The following CDKN2B-AS1 variants were observed in gnomAD, a reference collection of about 807,000 sequenced individuals.
The protein encoded by CDKN2B-AS1 is CDKN2B and CDKN2A antisense cis and trans regulatory RNA 1, also known as CDKN2B antisense RNA 1 (non-protein coding).
intron 3 of CDKN2B-AS1, among the ~76,000 whole-genome samples, chr9:22,051,826 C>T (rs1823358299): frequency 6.6e-6 from 1 of 152,088 alleles, no homozygotes; most frequent in Non-Finnish European, 1.5e-5. Flanking sequence ...TGTTTTCAGC[C>T]TGCATATACC....
chr9:22,020,935 A>G (rs1382088479), intron 1 of CDKN2B-AS1, among the ~76,000 whole-genome samples: 1 of 152,128 alleles, frequency 6.6e-6, no homozygotes, highest in Non-Finnish European at 1.5e-5. Flanking sequence ...TGTCTTCCTC[A>G]TGAAATCTTT....
chr9:22,063,848 G>A (rs1250104204), intron 4 of CDKN2B-AS1: 1 of 152,398 alleles, frequency 6.6e-6, no homozygotes, highest in Non-Finnish European at 1.5e-5. Flanking sequence ...CAGGCAGCTG[G>A]GGAAGAGAGT....
intron 1 of CDKN2B-AS1, among the ~76,000 whole-genome samples, chr9:22,045,420 C>G (rs1377835039): frequency 6.6e-6 from 1 of 152,080 alleles, no homozygotes; most frequent in Non-Finnish European, 1.5e-5. Flanking sequence ...CTCTGGTTTT[C>G]TCATCCAGCA....
intron 1 of CDKN2B-AS1, among the ~76,000 whole-genome samples, chr9:22,043,926 C>T (rs945150604): frequency 6.6e-6 from 1 of 151,858 alleles, no homozygotes; most frequent in Non-Finnish European, 1.5e-5. Flanking sequence ...CATATTCAAG[C>T]ATGAGGAATG....
chr9:22,038,845 T>A (rs73652844), intron 1 of CDKN2B-AS1, among the ~76,000 whole-genome samples: 1 of 152,048 alleles, frequency 6.6e-6, no homozygotes, highest in Non-Finnish European at 1.5e-5. Flanking sequence ...AAAAAACAAC[T>A]GCTTATCTCC....
At chr9:22,027,574 T>C (rs2131238191) in intron 1 of CDKN2B-AS1, among the ~76,000 whole-genome samples, 1 of 152,358 alleles carries the variant, frequency 6.6e-6, no homozygotes, top group East Asian at 1.9e-4. Flanking sequence ...CCTTTCTGAA[T>C]GAAGACTGCT....
At chr9:22,099,237 G>T (rs371071497) in intron 4 of CDKN2B-AS1, among the ~76,000 whole-genome samples, 1 of 152,172 alleles carries the variant, frequency 6.6e-6, no homozygotes, top group Non-Finnish European at 1.5e-5. Context: ...GGCACGTCTA[G>T]AGCATAGGGT....
chr9:22,065,468 A>G (rs1199188336), intron 4 of CDKN2B-AS1, among the ~76,000 whole-genome samples: 5 of 152,196 alleles, frequency 3.3e-5, no homozygotes, highest in African/African-American at 1.2e-4. Flanking sequence ...ATATGATTCT[A>G]ACCAAGATGT....
At chr9:22,119,756 A>C (rs1366868160) in intron 4 of CDKN2B-AS1, 3 of 152,210 alleles carry the variant, frequency 2.0e-5, no homozygotes, top group African/African-American at 7.2e-5. Context: ...AAAGGGTTGA[A>C]AGCTGTCGCC....
intron 1 of CDKN2B-AS1, among the ~76,000 whole-genome samples, chr9:22,022,660 C>A (rs1311749148): frequency 6.6e-6 from 1 of 151,938 alleles, no homozygotes; most frequent in Non-Finnish European, 1.5e-5. Flanking sequence ...GGTTATGATC[C>A]TGTCATCATA....
intron 4 of CDKN2B-AS1, among the ~76,000 whole-genome samples, chr9:22,100,747 A>G (rs1012850266): frequency 6.6e-6 from 1 of 152,230 alleles, no homozygotes; most frequent in Non-Finnish European, 1.5e-5. Context: ...AAGTGGCTGT[A>G]ACAGTTTACA....
At chr9:22,097,865 G>A (rs1326510012) in intron 4 of CDKN2B-AS1, among the ~76,000 whole-genome samples, 1 of 152,184 alleles carries the variant, frequency 6.6e-6, no homozygotes, top group Non-Finnish European at 1.5e-5. Context: ...ACCCTGGCCT[G>A]ATATAAAAGG....
At chr9:22,094,685 T>C (rs1825213467) in intron 4 of CDKN2B-AS1, among the ~76,000 whole-genome samples, 1 of 144,466 alleles carries the variant, frequency 6.9e-6, no homozygotes, top group Admixed American at 6.7e-5. Context: ...AAGACTTCTC[T>C]GCGTTGGTTA....
intron 1 of CDKN2B-AS1, among the ~76,000 whole-genome samples, chr9:21,998,673 C>G (rs1217752062): frequency 6.6e-6 from 1 of 152,116 alleles, no homozygotes; most frequent in Non-Finnish European, 1.5e-5. Flanking sequence ...TTTAGATCAG[C>G]AAATTCATTC....
rs945875479 is a variant in CDKN2B-AS1 at position 21,995,644 on chromosome 9, G to A, written n.29+483G>A. 1.3e-5 allele frequency: 2 copies of A among 152,734 alleles called. No individual in the cohort carries two copies. The highest frequency in any genetic ancestry group is 2.9e-5 in the Non-Finnish European group (2 of 68,420). The allele number at this position is 152,734 out of a possible 1,614,324, so 9.5% of individuals were successfully genotyped here. The stretch of plus-strand genomic sequence containing the variant: ...GCGGTCCTGTTTGGGAACAGTAAAA[G>A]CAGGGCAAGGAAAGGAAGGAGCGGC... On this transcript the variant is annotated intron_variant and non_coding_transcript_variant, in intron 1 of 4. Transcript: ENST00000650946. This position sits in a 1 kb window ranked among gnomAD's most constrained non-coding sequence, Gnocchi z 5.7.
intron 1 of CDKN2B-AS1, among the ~76,000 whole-genome samples, chr9:22,038,884 G>C (rs1310583649): frequency 6.6e-6 from 1 of 152,034 alleles, no homozygotes; most frequent in African/African-American, 2.4e-5. Flanking sequence ...ATCTGGTATA[G>C]TGTATGCATA....
chr9:22,047,491 C>T (rs979955729), intron 2 of CDKN2B-AS1, among the ~76,000 whole-genome samples: 1 of 152,132 alleles, frequency 6.6e-6, no homozygotes. Context: ...GAACTTAGCA[C>T]TTGTGATGAA....
intron 3 of CDKN2B-AS1, among the ~76,000 whole-genome samples, chr9:22,053,335 G>A (rs1158018749): frequency 1.3e-5 from 2 of 152,164 alleles, no homozygotes; most frequent in East Asian, 1.9e-4. Context: ...CATTGACCAT[G>A]AAAGAGTGAT....
chr9:22,051,823 A>G (rs1243751314), intron 3 of CDKN2B-AS1, among the ~76,000 whole-genome samples: 1 of 152,220 alleles, frequency 6.6e-6, no homozygotes, highest in Non-Finnish European at 1.5e-5. Flanking sequence ...TTTTGTTTTC[A>G]GCCTGCATAT....
Sources: allele counts gnomAD v4.1 joint callset (sites outside exome capture counted in the v4.1 genomes callset), GRCh38; gene constraint gnomAD v4.1.1; non-coding constraint Gnocchi (gnomAD v3.1); transcripts MANE v1.5; gene names NCBI Gene and HGNC (gene_info 2026-07-23, HGNC 2026-07-21).